The following ADAMTS20 variants were observed in gnomAD, a reference collection of about 807,000 sequenced individuals.
ADAMTS20 encodes the protein ADAM metallopeptidase with thrombospondin type 1 motif 20.
In ADAMTS20, 225 loss-of-function variants were observed where a neutral mutation model predicts 260.1. The observed-to-expected ratio is 0.87, with a 90% CI of 0.78 to 0.97. The LOEUF (loss-of-function observed/expected upper bound fraction) is 0.97. Ranked by LOEUF, ADAMTS20 falls within the 50% of genes least tolerant of loss-of-function variation. The pLI is 0.00. For synonymous variants in ADAMTS20, 802 were observed against 769.5 expected (o/e 1.04, Z -0.70); for missense variants, 2,400 against 2,337.7 (o/e 1.03, Z -0.55).
At chr12:43,438,503 C>T (rs1464944212) in intron 18 of ADAMTS20, among the ~76,000 whole-genome samples, 1 of 152,182 alleles carries the variant, frequency 6.6e-6, no homozygotes, top group East Asian at 1.9e-4. Context: ...TCCACTGAGA[C>T]ACTGCTAAAA....
chr12:43,390,966 C>T (rs546187789), intron 29 of ADAMTS20, among the ~76,000 whole-genome samples: 142 of 152,234 alleles, frequency 9.3e-4, no homozygotes, highest in Non-Finnish European at 9.6e-4. Context: ...ATTATCAGTA[C>T]CAATTTTTTT....
At position 43,428,686 on chromosome 12, in the gene ADAMTS20, T is replaced by G; in HGVS notation, c.3603A>C (p.Ile1201=). ...YCAHLPRPAE[I]WDCFTPCGEW... ...CTCCACAAGGGGTAAAACAGTCCCATATTTCAGCAGGTCGGGGTAAGTGGG... is the reference window on the plus strand; with the variant it reads ...CTCCACAAGGGGTAAAACAGTCCCAGATTTCAGCAGGTCGGGGTAAGTGGG... Residue 1201 remains isoleucine (I), a synonymous_variant, in exon 25 of 39, where the codon ATA becomes ATC. Coordinates refer to ENST00000389420, the MANE Select transcript of ADAMTS20 (RefSeq NM_025003.5). 1 of 1,611,486 alleles carries G rather than the reference T, an allele frequency of 6.2e-7. No individual in the cohort carries two copies. Among genetic ancestry groups the G allele is most frequent in the Non-Finnish European group, 8.5e-7 (1 of 1,178,270 alleles).
chr12:43,535,467 A>G (rs778872565), intron 2 of ADAMTS20, among the ~76,000 whole-genome samples: 1 of 152,110 alleles, frequency 6.6e-6, no homozygotes, highest in Non-Finnish European at 1.5e-5. Flanking sequence ...TCATTAACCT[A>G]ATTATAATTA....
At chr12:43,549,957 C>G (rs1383412371) in intron 2 of ADAMTS20, among the ~76,000 whole-genome samples, 3 of 152,160 alleles carry the variant, frequency 2.0e-5, no homozygotes, top group Non-Finnish European at 4.4e-5. Context: ...CCAGAAGTAT[C>G]TTTTGTAAAA....
chr12:43,461,955 T>C (rs1361544825), intron 11 of ADAMTS20, among the ~76,000 whole-genome samples: 1 of 152,232 alleles, frequency 6.6e-6, no homozygotes, highest in African/African-American at 2.4e-5. Flanking sequence ...CTTCAGCTGC[T>C]ACAAAACTTG....
chr12:43,494,385 T>C (rs1292913302), intron 4 of ADAMTS20, among the ~76,000 whole-genome samples: 1 of 152,196 alleles, frequency 6.6e-6, no homozygotes, highest in Non-Finnish European at 1.5e-5. Context: ...CCACAACATA[T>C]AACATGACTG....
intron 29 of ADAMTS20, among the ~76,000 whole-genome samples, chr12:43,396,399 C>A (rs2137247666): frequency 6.6e-6 from 1 of 152,224 alleles, no homozygotes; most frequent in East Asian, 1.9e-4. Flanking sequence ...AATAAAGCAA[C>A]AACCAGTGAT....
At chr12:43,394,276 G>A (rs1225685671) in intron 29 of ADAMTS20, among the ~76,000 whole-genome samples, 2 of 152,076 alleles carry the variant, frequency 1.3e-5, no homozygotes, top group African/African-American at 4.8e-5. Flanking sequence ...CTAGACAACT[G>A]ACAGCATAGT....
intron 16 of ADAMTS20, among the ~76,000 whole-genome samples, chr12:43,442,092 G>GTCTACTTTTTT (rs1309777210): frequency 6.6e-6 from 1 of 152,130 alleles, no homozygotes; most frequent in Non-Finnish European, 1.5e-5. Context: ...TAGAAAAAAA[G>GTCTACTTTTTT]TCTACAAATT....
intron 8 of ADAMTS20, among the ~76,000 whole-genome samples, chr12:43,468,268 G>T (rs1175599948): frequency 2.6e-5 from 4 of 152,166 alleles, no homozygotes; most frequent in African/African-American, 9.7e-5. Flanking sequence ...GCCCATGCAG[G>T]CCCTCCCATA....
intron 36 of ADAMTS20, among the ~76,000 whole-genome samples, chr12:43,370,882 T>C (rs1296842766): frequency 6.6e-6 from 1 of 152,240 alleles, no homozygotes; most frequent in Non-Finnish European, 1.5e-5. Flanking sequence ...ATAGGTATCC[T>C]AACCCATGTT....
intron 3 of ADAMTS20, among the ~76,000 whole-genome samples, chr12:43,513,444 T>C (rs1447078651): frequency 6.6e-6 from 1 of 152,126 alleles, no homozygotes; most frequent in African/African-American, 2.4e-5. Context: ...GAAAGGAACA[T>C]GCACACCTGC....
At position 43,432,303 on chromosome 12, in the gene ADAMTS20, C is replaced by T; in HGVS notation, c.3096+1G>A. 6.2e-7 allele frequency: 1 copy of T among 1,613,344 alleles called. No homozygotes were observed. The highest frequency in any genetic ancestry group is 8.5e-7 in the Non-Finnish European group (1 of 1,179,522). Reference sequence around the variant, plus strand: ...TTCCAAGCATCATGTGTTTAATGTACCTCGCTCCATTCACTAGCAGCCCAA... The same window carrying T: ...TTCCAAGCATCATGTGTTTAATGTATCTCGCTCCATTCACTAGCAGCCCAA... On this transcript the variant is annotated splice_donor_variant, in intron 21 of 38. Transcript: ENST00000389420. LOFTEE classifies it high-confidence loss of function.
In ADAMTS20 at chr12:43,452,365, G is replaced by A. The variant is rs760978859; in HGVS notation, c.1988C>T (p.Thr663Ile). Residue 663 changes from threonine to isoleucine, a missense_variant, in exon 14 of 39, where the codon ACC becomes ATC. Coordinates refer to ENST00000389420, the MANE Select transcript of ADAMTS20 (RefSeq NM_025003.5). ...ATCCTTCAATAGGTAGAAATAATTG[G>A]TTCCAGCAACCTGACAATAGAGTTT... The part of the protein sequence containing the change: ...RCKLYCQVAG[T>I]NYFYLLKDMV... The A allele has an allele frequency of 1.2e-6, 2 of 1,613,250 alleles. No homozygotes were observed. The highest frequency in any genetic ancestry group is 1.7e-5 in the Admixed American group (1 of 59,930).
Position 43,428,250 on chromosome 12 carries a change from T to A in ADAMTS20, c.3936A>T (p.Pro1312=), listed in dbSNP as rs1250571146. ...AATAAAGATGGCTTACTGATCCCCA[T>A]GGTCCGGTTCTCCACTGGTTTCCTC... ...SVRGNQWRTG[P]WGSCSSSCSG... The change falls in exon 26 of 39, where the codon CCA becomes CCT. Residue 1312 remains proline (P), a synonymous_variant. Coordinates refer to ENST00000389420, the MANE Select transcript of ADAMTS20 (RefSeq NM_025003.5). The A allele has an allele frequency of 1.2e-6, 2 of 1,613,776 alleles. No individual in the cohort carries two copies. Among genetic ancestry groups the A allele is most frequent in the South Asian group, 2.2e-5 (2 of 91,080 alleles).
At position 43,430,329 on chromosome 12, in the gene ADAMTS20, T is replaced by C. The variant is rs77617750; in HGVS notation, c.3381+23A>G. On this transcript the variant is annotated intron_variant, in intron 23 of 38. Transcript: ENST00000389420. ...CTTTCTGTCTCATAAATCTTTTTGT[T>C]TGTAAACCATGATTCTTTTTACCTG... 2,514 of 1,600,722 alleles carry C rather than the reference T, an allele frequency of 1.6e-3. 44 individuals are homozygous for C. In the East Asian group the frequency reaches 0.04, roughly 26 times the overall value.
At chr12:43,415,413 C>G (rs1941111581) in intron 28 of ADAMTS20, among the ~76,000 whole-genome samples, 1 of 152,012 alleles carries the variant, frequency 6.6e-6, no homozygotes, top group South Asian at 2.1e-4. Context: ...TAGAGTACAA[C>G]TTTCTCAAGT....
At chr12:43,447,339 T>TA (rs1385842575) in intron 14 of ADAMTS20, among the ~76,000 whole-genome samples, 1 of 152,144 alleles carries the variant, frequency 6.6e-6, no homozygotes, top group Non-Finnish European at 1.5e-5. Context: ...TGGTTCAACA[T>TA]ATGCAAATCA....
At chr12:43,550,761 T>G in intron 2 of ADAMTS20, 148 bp downstream of exon 2, 1 of 1,210,096 alleles carries the variant, frequency 8.3e-7, no homozygotes, top group Non-Finnish European at 1.1e-6. Context: ...TCCGAAGGAG[T>G]TGCCTCTGGC....
Sources: allele counts gnomAD v4.1 joint callset (sites outside exome capture counted in the v4.1 genomes callset), GRCh38; gene constraint gnomAD v4.1.1; transcripts MANE v1.5; gene names NCBI Gene and HGNC (gene_info 2026-07-23, HGNC 2026-07-21).